The following AGAP1 variants were observed in gnomAD, a reference collection of about 807,000 sequenced individuals.
AGAP1 encodes arf-GAP with GTPase, ANK repeat and PH domain-containing protein 1.
Under a neutral mutation model 105.3 loss-of-function variants are expected in AGAP1, and 29 were observed. The ratio of observed to expected loss-of-function variants is 0.28; its 90% CI spans 0.21 to 0.38. AGAP1 has a LOEUF of 0.38. Ranked by LOEUF, AGAP1 falls within the 10% of genes least tolerant of loss-of-function variation. The probability of loss-of-function intolerance (pLI) is 1.00; values close to 1 mark genes in which losing one functional copy is unlikely to be tolerated. For missense variants in AGAP1, 998 were observed against 1,165.1 expected, an observed-to-expected ratio of 0.86 and a Z score of 2.09; for synonymous variants, 509 against 485.9, an observed-to-expected ratio of 1.05 and a Z score of -0.63.
Position 236,061,225 on chromosome 2 carries a change from C to T in AGAP1, c.2114+11944C>T, listed in dbSNP as rs1249183459. On this transcript the variant is annotated intron_variant, in intron 16 of 17. Transcript: ENST00000304032. This position sits in a 1 kb window ranked among gnomAD's most constrained non-coding sequence, Gnocchi z 4.1. ...AGCCCCCACCGCACGTGCTCTTGGA[C>T]GGTCGTGGCAAGTGTTGGTGAGGAA... 6.6e-6 allele frequency among the ~76,000 whole-genome samples: 1 copy of T among 152,164 alleles called. No individual in the cohort carries two copies. The highest frequency in any genetic ancestry group is 2.4e-5 in the African/African-American group (1 of 41,434).
Position 236,003,397 on chromosome 2 carries a change from G to A in AGAP1, c.1646-33164G>A, listed in dbSNP as rs114002273. 0.012 allele frequency among the ~76,000 whole-genome samples: 1,853 copies of A among 152,202 alleles called. 36 individuals carry two copies. Among genetic ancestry groups the A allele is most frequent in the African/African-American group, 0.042 (1,754 of 41,520 alleles). On this transcript the variant is annotated intron_variant, in intron 13 of 17. Transcript: ENST00000304032. This position sits in a 1 kb window ranked among gnomAD's most constrained non-coding sequence, Gnocchi z 4.2. Reference sequence around the variant, plus strand: ...GTCCTTTGGAGGGCCTTGACCTCACGCAGCAGGGGAGGATGCTGGCCCACA... The same window carrying A: ...GTCCTTTGGAGGGCCTTGACCTCACACAGCAGGGGAGGATGCTGGCCCACA...
chr2:235,572,246 T>C (rs1441376633), intron 1 of AGAP1, among the ~76,000 whole-genome samples: 1 of 151,934 alleles, frequency 6.6e-6, no homozygotes, highest in Non-Finnish European at 1.5e-5. Flanking sequence ...CAGCTGACTC[T>C]TGACCCCCGC....
intron 12 of AGAP1, among the ~76,000 whole-genome samples, chr2:235,933,821 G>C (rs1411698037): frequency 6.6e-6 from 1 of 152,148 alleles, no homozygotes; most frequent in Non-Finnish European, 1.5e-5. Flanking sequence ...ATGAGCCACC[G>C]CGCCCGGCCT....
In AGAP1 at chr2:235,622,469, A is replaced by G. The variant is rs1400315974; in HGVS notation, c.164-86710A>G. Among the ~76,000 whole-genome samples the G allele has an allele frequency of 6.6e-6, 1 of 152,158 alleles. No individual in the cohort carries two copies. Among genetic ancestry groups the G allele is most frequent in the Non-Finnish European group, 1.5e-5 (1 of 68,030 alleles). ...GACCTGGTGCCTGGACTCAATCTGC[A>G]GAGACAGGTGTCTGGGATCTGAAGA... On this transcript the variant is annotated intron_variant, in intron 1 of 17. Coordinates refer to ENST00000304032, the MANE Select transcript of AGAP1 (RefSeq NM_001037131.3). The surrounding 1 kb of genome is among the most constrained non-coding windows in gnomAD (Gnocchi z 5.0).
chr2:236,019,900 C>T (rs542613965), intron 13 of AGAP1, among the ~76,000 whole-genome samples: 2 of 152,352 alleles, frequency 1.3e-5, no homozygotes, highest in Admixed American at 6.5e-5. Context: ...CCCAGTGCCC[C>T]GTGTGGGTCC....
In AGAP1 at chr2:235,635,619, A is replaced by G. The variant is rs1023292462; in HGVS notation, c.164-73560A>G. On this transcript the variant is annotated intron_variant, in intron 1 of 17. Coordinates refer to ENST00000304032, the MANE Select transcript of AGAP1 (RefSeq NM_001037131.3). This position sits in a 1 kb window ranked among gnomAD's most constrained non-coding sequence, Gnocchi z 5.3. Reference sequence around the variant, plus strand: ...AAACCTAGAGCAACCTACTAGATCAATGAGTTTTCTAGGGAGGCATCAGAG... The same window carrying G: ...AAACCTAGAGCAACCTACTAGATCAGTGAGTTTTCTAGGGAGGCATCAGAG... Among the ~76,000 whole-genome samples the G allele has an allele frequency of 6.6e-6, 1 of 151,996 alleles. No homozygotes were observed. The highest frequency in any genetic ancestry group is 2.4e-5 in the African/African-American group (1 of 41,380).
Position 236,050,639 on chromosome 2 carries a change from G to C in AGAP1, c.2114+1358G>C, listed in dbSNP as rs2057869973. Among the ~76,000 whole-genome samples the C allele has an allele frequency of 6.6e-6, 1 of 152,048 alleles. No homozygotes were observed. The highest frequency in any genetic ancestry group is 6.5e-5 in the Admixed American group (1 of 15,268). On this transcript the variant is annotated intron_variant, in intron 16 of 17. Transcript: ENST00000304032. The surrounding 1 kb of genome is among the most constrained non-coding windows in gnomAD (Gnocchi z 4.0). ...ATAATGATAACATTGGAGGAAACTT[G>C]GGTCTGAAAATGAAAAATGATTGGA...
Position 236,040,723 on chromosome 2 carries a change from T to TTA in AGAP1, c.1801-27_1801-26insAT, listed in dbSNP as rs2057523794. 2 of 1,611,458 alleles carry TTA rather than the reference T, an allele frequency of 1.2e-6. No individual in the cohort carries two copies. The highest frequency in any genetic ancestry group is 1.7e-6 in the Non-Finnish European group (2 of 1,179,170). Reference sequence around the variant, plus strand: ...GCGTTTCTCCCGGGGTGCTTACGCCTTGTATTTGTGTCTTCCTCCGTGCCC... The same window carrying TTA: ...GCGTTTCTCCCGGGGTGCTTACGCCTTATGTATTTGTGTCTTCCTCCGTGCCC... On this transcript the variant is annotated intron_variant, in intron 14 of 17. Transcript: ENST00000304032. This position sits in a 1 kb window ranked among gnomAD's most constrained non-coding sequence, Gnocchi z 5.6.
intron 1 of AGAP1, among the ~76,000 whole-genome samples, chr2:235,546,451 G>A (rs752898353): frequency 5.9e-5 from 9 of 152,170 alleles, no homozygotes; most frequent in Non-Finnish European, 8.8e-5. Flanking sequence ...GGTGGTTCCT[G>A]GCGTCCTATC....
At position 235,875,041 on chromosome 2, in the gene AGAP1, G is replaced by T. The variant is rs62190912; in HGVS notation, c.1051-8304G>T. Among the ~76,000 whole-genome samples, 11,894 of 152,224 alleles carry T rather than the reference G, an allele frequency of 0.078. 631 individuals are homozygous for T. The highest frequency in any genetic ancestry group is 0.12 in the Admixed American group (1,780 of 15,292). Reference sequence around the variant, plus strand: ...ACTGGTTGAAGACTGAGTTTTGGGAGAAGAACCCTGGAGGCCAAAGGCAGT... The same window carrying T: ...ACTGGTTGAAGACTGAGTTTTGGGATAAGAACCCTGGAGGCCAAAGGCAGT... On this transcript the variant is annotated intron_variant, in intron 9 of 17. Transcript: ENST00000304032. This position sits in a 1 kb window ranked among gnomAD's most constrained non-coding sequence, Gnocchi z 4.0.
In AGAP1 at chr2:236,043,940, G is replaced by A. The variant is rs555003236; in HGVS notation, c.1891+3099G>A. On this transcript the variant is annotated intron_variant, in intron 15 of 17. Transcript: ENST00000304032. ...TGAGGCTTGGGGATTTTCATGCAGC[G>A]TGGAATTTGGAATTGTGGTAACAGC... Among the ~76,000 whole-genome samples the A allele has an allele frequency of 2.2e-4, 34 of 152,186 alleles. No individual in the cohort carries two copies. The East Asian group carries it at 2.5e-3, about 11-fold the overall frequency.
Position 236,001,893 on chromosome 2 carries a change from C to T in AGAP1, c.1645+33270C>T, listed in dbSNP as rs2125518504. Among the ~76,000 whole-genome samples, 1 of 152,292 alleles carries T rather than the reference C, an allele frequency of 6.6e-6. No individual in the cohort carries two copies. On this transcript the variant is annotated intron_variant, in intron 13 of 17. Transcript: ENST00000304032. This position sits in a 1 kb window ranked among gnomAD's most constrained non-coding sequence, Gnocchi z 4.7. ...GCCTCAGCAGTTTTTTTAACAATTA[C>T]CAGTAATACTTCCCTGAACATCATT...
chr2:235,832,013 A>G (rs749768692), intron 9 of AGAP1, among the ~76,000 whole-genome samples: 12 of 152,190 alleles, frequency 7.9e-5, no homozygotes, highest in Non-Finnish European at 1.5e-4. Flanking sequence ...TAATGTGTGT[A>G]TAGTGGTATC....
chr2:235,607,051 G>GAA lies in AGAP1; in HGVS notation c.164-102124_164-102123dup, dbSNP rs1945965598. Among the ~76,000 whole-genome samples the GAA allele has an allele frequency of 2.0e-5, 3 of 151,484 alleles. No homozygotes were observed. The South Asian group carries it at 6.3e-4, about 32-fold the overall frequency. On this transcript the variant is annotated intron_variant, in intron 1 of 17. Transcript: ENST00000304032. ...TCTGGCCCATGAGACTGGCAGGTGAGAAAAATGGGTATTAAATTATTGTTT... is the reference window on the plus strand; with the variant it reads ...TCTGGCCCATGAGACTGGCAGGTGAGAAAAAAATGGGTATTAAATTATTGTTT...
chr2:235,651,877 G>A (rs1036741987), intron 1 of AGAP1, among the ~76,000 whole-genome samples: 3 of 152,158 alleles, frequency 2.0e-5, no homozygotes, highest in African/African-American at 7.2e-5. Context: ...TCCACGGGGA[G>A]GGACAGGCAT....
At chr2:235,523,215 A>T (rs181018137) in intron 1 of AGAP1, among the ~76,000 whole-genome samples, 2 of 152,258 alleles carry the variant, frequency 1.3e-5, no homozygotes, top group East Asian at 1.9e-4. Context: ...GACCTCATCT[A>T]AACCTGATCA....
intron 6 of AGAP1, among the ~76,000 whole-genome samples, chr2:235,774,851 T>C (rs931755512): frequency 3.9e-5 from 6 of 152,154 alleles, no homozygotes; most frequent in Non-Finnish European, 8.8e-5. Context: ...ATCTGAGTGA[T>C]TGGCGCCTGC....
rs1328495814 is a variant in AGAP1, at chr2:236,109,478, A to G, written c.2115-10714A>G. On this transcript the variant is annotated intron_variant, in intron 16 of 17. Coordinates refer to ENST00000304032, the MANE Select transcript of AGAP1 (RefSeq NM_001037131.3). This position sits in a 1 kb window ranked among gnomAD's most constrained non-coding sequence, Gnocchi z 5.4. Reference sequence around the variant, plus strand: ...TGATAGGGAAGAAGAGGAGGAAGGAAAAACTGAGATGATCTAGATCCGTGC... The same window carrying G: ...TGATAGGGAAGAAGAGGAGGAAGGAGAAACTGAGATGATCTAGATCCGTGC... Among the ~76,000 whole-genome samples the G allele has an allele frequency of 6.6e-6, 1 of 152,206 alleles. No individual in the cohort carries two copies. The highest frequency in any genetic ancestry group is 1.5e-5 in the Non-Finnish European group (1 of 68,038).
chr2:235,661,015 CAG>C (rs903128810), intron 1 of AGAP1, among the ~76,000 whole-genome samples: 5 of 152,106 alleles, frequency 3.3e-5, no homozygotes, highest in African/African-American at 9.7e-5. Flanking sequence ...CTGCAGGTGA[CAG>C]GGACTCACTG....
Sources: allele counts gnomAD v4.1 joint callset (sites outside exome capture counted in the v4.1 genomes callset), GRCh38; gene constraint gnomAD v4.1.1; non-coding constraint Gnocchi (gnomAD v3.1); transcripts MANE v1.5; gene names NCBI Gene and HGNC (gene_info 2026-07-23, HGNC 2026-07-21).